Variants in JAG1 observed in about 807,000 individuals in gnomAD.
The protein encoded by JAG1 is protein jagged-1.
JAG1 carries 23 observed loss-of-function variants against 148.7 expected under a neutral mutation model. The ratio of observed to expected loss-of-function variants is 0.15; its 90% CI spans 0.11 to 0.22. The LOEUF is 0.22. Ranked by LOEUF, JAG1 falls within the 10% of genes least tolerant of loss-of-function variation. JAG1 has a pLI of 1.00. For synonymous variants in JAG1, 572 were observed against 598.3 expected (o/e 0.96, Z 0.64); for missense variants, 1,054 against 1,611.2 (o/e 0.65, Z 5.92).
intron 3 of JAG1, among the ~76,000 whole-genome samples, chr20:10,663,315 T>TTG (rs1250603674): frequency 6.6e-6 from 1 of 152,178 alleles, no homozygotes; most frequent in African/African-American, 2.4e-5. Flanking sequence ...CAAGACTACT[T>TTG]TGTAAGCCAG....
At chr20:10,657,350 T>TAAAA (rs34844219) in intron 4 of JAG1, among the ~76,000 whole-genome samples, 9,456 of 141,076 alleles carry the variant, frequency 0.067, 416 homozygotes, top group Admixed American at 0.097. Flanking sequence ...CACCTTATCT[T>TAAAA]AAAAAAAAAA....
At chr20:10,649,257 C>T (rs758183432) in intron 10 of JAG1, 150 bp from the exon 11 acceptor site, 31 of 676,794 alleles carry the variant, frequency 4.6e-5, no homozygotes, top group Non-Finnish European at 6.9e-5. Context: ...TGGGTGGGGA[C>T]CCTCCCTAAT....
chr20:10,646,667 C>CTGGGCGTGG (rs1469541452), intron 14 of JAG1, among the ~76,000 whole-genome samples: 2 of 152,106 alleles, frequency 1.3e-5, no homozygotes, highest in South Asian at 2.1e-4. Flanking sequence ...ACAAAATTAG[C>CTGGGCGTGG]TGGGCGTGGT....
At chr20:10,647,207 T>A in intron 13 of JAG1, 104 bp from the exon 14 acceptor site, 1 of 1,357,278 alleles carries the variant, frequency 7.4e-7, no homozygotes, top group Non-Finnish European at 1.0e-6. Flanking sequence ...ACAGGGACCC[T>A]CTGGCTAATG....
chr20:10,646,160 A>T (rs921816546), intron 14 of JAG1, 76 bp from the exon 15 acceptor site: 1 of 1,039,950 alleles, frequency 9.6e-7, no homozygotes, highest in South Asian at 1.3e-5. Context: ...AGCAGTTTTC[A>T]TGGCTCCCTC....
chr20:10,666,499 AGT>A (rs1036010542), intron 2 of JAG1, among the ~76,000 whole-genome samples: 2 of 152,146 alleles, frequency 1.3e-5, no homozygotes, highest in Non-Finnish European at 2.9e-5. Flanking sequence ...TGGAAAGGCA[AGT>A]GTTCAAACTT....
Position 10,646,938 on chromosome 20 carries a change from C to G in JAG1, c.1885+1G>C. Reference sequence around the variant, plus strand: ...TCCATTCCCGGATGAGGGAGTCTTACTTTCATGGCAGTATGTTCCCGTGAA... The same window carrying G: ...TCCATTCCCGGATGAGGGAGTCTTAGTTTCATGGCAGTATGTTCCCGTGAA... On this transcript the variant is annotated splice_donor_variant, in intron 14 of 25. Coordinates refer to ENST00000254958, the MANE Select transcript of JAG1 (RefSeq NM_000214.3). LOFTEE classifies it high-confidence loss of function. The G allele has an allele frequency of 6.2e-7, 1 of 1,614,020 alleles. No individual in the cohort carries two copies. Among genetic ancestry groups the G allele is most frequent in the Non-Finnish European group, 8.5e-7 (1 of 1,179,940 alleles).
intron 2 of JAG1, among the ~76,000 whole-genome samples, chr20:10,666,080 C>T (rs1207260985): frequency 3.9e-5 from 6 of 152,038 alleles, no homozygotes; most frequent in East Asian, 1.9e-4. Flanking sequence ...GCTACAGTGA[C>T]GGCAACAAAG....
At chr20:10,656,532 T>C (rs891920560) in intron 4 of JAG1, 74 bp from the exon 5 acceptor site, 2 of 1,291,922 alleles carry the variant, frequency 1.5e-6, no homozygotes, top group East Asian at 2.3e-5. Flanking sequence ...GAATGGCCCA[T>C]TGCATTAAAG....
In JAG1 at chr20:10,672,692, G is replaced by C; in HGVS notation, c.387+9C>G. 6.2e-7 allele frequency: 1 copy of C among 1,612,018 alleles called. No individual in the cohort carries two copies. The highest frequency in any genetic ancestry group is 2.2e-5 in the East Asian group (1 of 44,878). On this transcript the variant is annotated intron_variant, in intron 2 of 25. Transcript: ENST00000254958. Reference sequence around the variant, plus strand: ...CTCCGCCCGGCCTCCTTCCCGAGTAGTCACTCACCGGCCAGGCGAAACTGA... The same window carrying C: ...CTCCGCCCGGCCTCCTTCCCGAGTACTCACTCACCGGCCAGGCGAAACTGA...
chr20:10,645,068 A>G lies in JAG1; in HGVS notation c.2227+75T>C. ...GAACCAGGCCCAGAGAAATATCATA[A>G]GCTCCAGGGGCCAACCAGCAGACAC... is the stretch of plus-strand genomic sequence containing the variant. On this transcript the variant is annotated intron_variant, in intron 17 of 25. Transcript: ENST00000254958. This position sits in a 1 kb window ranked among gnomAD's most constrained non-coding sequence, Gnocchi z 6.1. The G allele has an allele frequency of 6.6e-7, 1 of 1,520,520 alleles. No homozygotes were observed. Among genetic ancestry groups the G allele is most frequent in the Non-Finnish European group, 9.1e-7 (1 of 1,094,750 alleles). The allele number at this position is 1,520,520 out of a possible 1,614,324, so 94.2% of individuals were successfully genotyped here.
intron 2 of JAG1, among the ~76,000 whole-genome samples, chr20:10,666,829 T>C (rs1238489351): frequency 6.6e-6 from 1 of 152,200 alleles, no homozygotes; most frequent in Non-Finnish European, 1.5e-5. Flanking sequence ...AAGATTTCTG[T>C]GGAATTCTAC....
In JAG1 at chr20:10,640,907, C is replaced by T. The variant is rs764847570; in HGVS notation, c.3075G>A (p.Gly1025=). The T allele has an allele frequency of 8.7e-6, 14 of 1,614,128 alleles. No homozygotes were observed. The highest frequency in any genetic ancestry group is 1.3e-5 in the African/African-American group (1 of 75,030). The change falls in exon 25 of 26, where the codon GGG becomes GGA. Residue 1025 remains glycine (G), a synonymous_variant. Transcript: ENST00000254958. Reference sequence around the variant, plus strand: ...TGTCAGTGATTTCCTTGATCGGGTTCCCATCATCCCGTATATCTTCAGCAG... The same window carrying T: ...TGTCAGTGATTTCCTTGATCGGGTTTCCATCATCCCGTATATCTTCAGCAG... The part of the protein sequence containing the change: ...AISAEDIRDD[G]NPIKEITDKI...
At chr20:10,664,236 C>T (rs1907626710) in intron 2 of JAG1, among the ~76,000 whole-genome samples, 1 of 152,164 alleles carries the variant, frequency 6.6e-6, no homozygotes, top group Non-Finnish European at 1.5e-5. Context: ...TTTCACCTGG[C>T]AGGGACGCAC....
intron 13 of JAG1, 106 bp from the exon 14 acceptor site, chr20:10,647,209 T>C (rs1003417926): frequency 5.2e-6 from 7 of 1,342,764 alleles, no homozygotes; most frequent in Non-Finnish European, 7.4e-6. Context: ...AGGGACCCTC[T>C]GGCTAATGAG....
chr20:10,653,650 C>A (rs897762860), intron 5 of JAG1, among the ~76,000 whole-genome samples: 2 of 151,850 alleles, frequency 1.3e-5, no homozygotes, highest in Non-Finnish European at 2.9e-5. Context: ...GGAAAAGCCA[C>A]GATCAGCGCC....
At position 10,673,597 on chromosome 20, in the gene JAG1, TGCTGCCGTCGCC is replaced by T; in HGVS notation, c.-79_-68del. On this transcript the variant is annotated 5_prime_UTR_variant, in exon 1 of 26. Transcript: ENST00000254958. The surrounding 1 kb of genome is among the most constrained non-coding windows in gnomAD (Gnocchi z 4.7). ...CTGTTCGCGCTGGTGCTGCCGCCGG[TGCTGCCGTCGCC>T]GCTGCCCCTGCGGCCGCCGCGTCCC... The T allele has an allele frequency of 5.3e-6, 5 of 936,426 alleles. No homozygotes were observed. 58.0% of individuals were successfully genotyped at this position (936,426 alleles called of 1,614,324 possible). A position where few individuals can be genotyped will look rare whatever the true frequency, so the allele number is the denominator to read the frequency against.
chr20:10,668,667 C>A (rs1268157950), intron 2 of JAG1, among the ~76,000 whole-genome samples: 3 of 147,026 alleles, frequency 2.0e-5, no homozygotes, highest in African/African-American at 7.4e-5. Context: ...GTTACCTTGA[C>A]ACTGTTTTTT....
Position 10,645,209 on chromosome 20 carries a change from A to T in JAG1, c.2161T>A (p.Tyr721Asn). Reference sequence around the variant, plus strand: ...CACTTAAAAGCATCCCCCTCATCATAGCAGGTGCCACCGTTGTTGCACGTG... The same window carrying T: ...CACTTAAAAGCATCCCCCTCATCATTGCAGGTGCCACCGTTGTTGCACGTG... Reference protein sequence around the residue: ...EATCNNGGTCYDEGDAFKCMC... With the variant: ...EATCNNGGTCNDEGDAFKCMC... The change falls in exon 17 of 26, where the codon TAT (tyrosine) becomes AAT (asparagine). Residue 721 changes from tyrosine to asparagine, a missense_variant. Around this residue, in one of 6 missense-constraint regions of JAG1, gnomAD observed 342 missense variants for 514.6 expected, o/e 0.66. Transcript: ENST00000254958. The surrounding 1 kb of genome is among the most constrained non-coding windows in gnomAD (Gnocchi z 6.1). 1.9e-6 allele frequency: 3 copies of T among 1,614,092 alleles called. No individual in the cohort carries two copies. Among genetic ancestry groups the T allele is most frequent in the African/African-American group, 2.7e-5 (2 of 75,046 alleles).
Sources: gnomAD v4.1 joint callset for allele counts (sites outside exome capture counted in the v4.1 genomes callset) on GRCh38, gnomAD v4.1.1 for gene constraint, gnomAD v4.1.1 regional missense constraint, Gnocchi (gnomAD v3.1) non-coding constraint, MANE v1.5 for transcripts, NCBI Gene and HGNC (gene_info 2026-07-23, HGNC 2026-07-21) for gene names.